KIZ: variants seen among roughly 807,000 people sequenced by gnomAD.
KIZ encodes the protein centrosomal protein kizuna.
A neutral mutation model predicts 79.6 loss-of-function variants in KIZ; 68 were observed. The observed-to-expected ratio is 0.85, with a 90% CI of 0.70 to 1.05. The LOEUF (loss-of-function observed/expected upper bound fraction) is 1.05. Among genes scored for constraint, KIZ ranks in the 50% least tolerant of loss-of-function variants. The pLI is 0.00. For missense variants in KIZ, 797 were observed against 800.4 expected, an observed-to-expected ratio of 1.00 and a Z score of 0.05; for synonymous variants, 280 against 281.8, an observed-to-expected ratio of 0.99 and a Z score of 0.06.
chr20:21,207,095 T>A (rs956854719), intron 7 of KIZ, among the ~76,000 whole-genome samples: 1 of 152,214 alleles, frequency 6.6e-6, no homozygotes, highest in Admixed American at 6.5e-5. Flanking sequence ...TGATTCTTTT[T>A]AAGGTGTTTC....
intron 6 of KIZ, among the ~76,000 whole-genome samples, chr20:21,176,052 A>G (rs571905639): frequency 3.1e-4 from 47 of 152,148 alleles, no homozygotes; most frequent in African/African-American, 1.1e-3. Context: ...GCTCACGCCT[A>G]TAATCTCAGC....
intron 3 of KIZ, among the ~76,000 whole-genome samples, chr20:21,139,356 GA>G (rs2032385577): frequency 6.6e-6 from 1 of 152,084 alleles, no homozygotes; most frequent in Non-Finnish European, 1.5e-5. Flanking sequence ...TTTTAATGGA[GA>G]GGGGTATTTA....
Position 21,160,401 on chromosome 20 carries a change from G to A in KIZ, c.406-1470G>A, listed in dbSNP as rs550187973. ...GGAAACCTGTTTGGATAACACCTGC[G>A]ACTCAGTAAAGACATTGGCTCATGT... On this transcript the variant is annotated intron_variant, in intron 4 of 12. Coordinates refer to ENST00000619189, the MANE Select transcript of KIZ (RefSeq NM_018474.6). Among the ~76,000 whole-genome samples, 7 of 152,170 alleles carry A rather than the reference G, an allele frequency of 4.6e-5. No individual in the cohort carries two copies. In the South Asian group the frequency reaches 6.2e-4, roughly 14 times the overall value.
At chr20:21,214,046 C>T (rs2123287997) in intron 7 of KIZ, 1 of 152,802 alleles carries the variant, frequency 6.5e-6, no homozygotes. Flanking sequence ...ATTCATGGGT[C>T]ATTTTTAGGA....
chr20:21,189,829 T>A (rs1032693603), intron 6 of KIZ, among the ~76,000 whole-genome samples: 1 of 152,170 alleles, frequency 6.6e-6, no homozygotes, highest in Non-Finnish European at 1.5e-5. Context: ...CCTGCCGTGG[T>A]CGCCTCGCTG....
chr20:21,138,238 CT>C (rs1288371404), intron 3 of KIZ, among the ~76,000 whole-genome samples: 2 of 152,036 alleles, frequency 1.3e-5, no homozygotes, highest in Admixed American at 1.3e-4. Context: ...ACCATTCCTC[CT>C]TTTTTTTCCC....
intron 4 of KIZ, among the ~76,000 whole-genome samples, chr20:21,150,447 G>A (rs554130629): frequency 4.5e-4 from 69 of 152,292 alleles, no homozygotes; most frequent in Non-Finnish European, 8.1e-4. Flanking sequence ...CTCCCTAGAC[G>A]GGGGCTCTGA....
At chr20:21,177,248 T>A (rs564908950) in intron 6 of KIZ, among the ~76,000 whole-genome samples, 4 of 152,210 alleles carry the variant, frequency 2.6e-5, no homozygotes, top group Non-Finnish European at 5.9e-5. Context: ...TTGCCAGTGC[T>A]TGTTATCTTT....
intron 11 of KIZ, among the ~76,000 whole-genome samples, chr20:21,243,963 C>A (rs541618282): frequency 6.6e-6 from 1 of 152,288 alleles, no homozygotes; most frequent in East Asian, 1.9e-4. Context: ...CCCCCAAGAA[C>A]ACGTGGCCCC....
At chr20:21,126,252 T>G (rs2122230277) in intron 1 of KIZ, 48 bp downstream of exon 1, 2 of 1,244,974 alleles carry the variant, frequency 1.6e-6, no homozygotes, top group South Asian at 3.5e-5. Context: ...GCCGGGGGTC[T>G]TCCGCGTGCC....
intron 6 of KIZ, among the ~76,000 whole-genome samples, chr20:21,204,261 G>A (rs954266227): frequency 2.7e-5 from 4 of 148,598 alleles, no homozygotes; most frequent in Non-Finnish European, 4.5e-5. Flanking sequence ...GACTACAGGC[G>A]CCCGCCACTA....
chr20:21,187,669 A>C (rs1215517353), intron 6 of KIZ, among the ~76,000 whole-genome samples: 2 of 152,184 alleles, frequency 1.3e-5, no homozygotes, highest in Non-Finnish European at 2.9e-5. Context: ...ACAGACAGAC[A>C]TGGAACAACA....
chr20:21,147,310 C>T (rs1032286049), intron 4 of KIZ, among the ~76,000 whole-genome samples: 1 of 152,120 alleles, frequency 6.6e-6, no homozygotes. Context: ...TCCTTAAAAG[C>T]TTTGACTATT....
intron 6 of KIZ, among the ~76,000 whole-genome samples, chr20:21,173,449 G>A (rs2034301880): frequency 6.6e-6 from 1 of 151,832 alleles, no homozygotes; most frequent in Admixed American, 6.6e-5. Flanking sequence ...GTGGTGGCGG[G>A]TGCCTGTAAT....
At chr20:21,179,733 G>A (rs111683987) in intron 6 of KIZ, among the ~76,000 whole-genome samples, 93 of 152,098 alleles carry the variant, frequency 6.1e-4, no homozygotes, top group African/African-American at 2.1e-3. Context: ...TACTGGTCTT[G>A]CTGCATCTTC....
chr20:21,230,016 G>T (rs1296220947), intron 10 of KIZ, among the ~76,000 whole-genome samples: 1 of 152,130 alleles, frequency 6.6e-6, no homozygotes, highest in Non-Finnish European at 1.5e-5. Flanking sequence ...TAGAGTATAA[G>T]TTACCTCAGT....
chr20:21,145,373 T>C (rs1249752380), intron 3 of KIZ, among the ~76,000 whole-genome samples, 192 bp from the exon 4 acceptor site: 3 of 152,154 alleles, frequency 2.0e-5, no homozygotes, highest in Non-Finnish European at 4.4e-5. Flanking sequence ...AATTGTAGCA[T>C]TTTGTAAAAT....
chr20:21,236,978 ATGGAGCAAGAC>A (rs988083678), intron 11 of KIZ, among the ~76,000 whole-genome samples: 10 of 149,466 alleles, frequency 6.7e-5, no homozygotes, highest in African/African-American at 2.5e-4. Flanking sequence ...CATCTGGGCA[ATGGAGCAAGAC>A]TCTGTTTAAA....
intron 6 of KIZ, among the ~76,000 whole-genome samples, chr20:21,193,243 C>T (rs1332939226): frequency 6.6e-6 from 1 of 152,144 alleles, no homozygotes; most frequent in Admixed American, 6.5e-5. Flanking sequence ...ATCTGCAAAT[C>T]AAGCCTATTG....
Sources: allele counts gnomAD v4.1 joint callset (sites outside exome capture counted in the v4.1 genomes callset), GRCh38; gene constraint gnomAD v4.1.1; transcripts MANE v1.5; gene names NCBI Gene and HGNC (gene_info 2026-07-23, HGNC 2026-07-21).